SLC20A2: variants seen among roughly 807,000 people sequenced by gnomAD.
SLC20A2 encodes the protein sodium-dependent phosphate transporter 2.
In SLC20A2, 30 loss-of-function variants were observed where a neutral mutation model predicts 61.0. The ratio of observed to expected loss-of-function variants is 0.49; its 90% CI spans 0.37 to 0.67. The LOEUF (loss-of-function observed/expected upper bound fraction) is 0.67, where lower values mean the gene tolerates loss of function less well. Ranked by LOEUF, SLC20A2 falls within the 30% of genes least tolerant of loss-of-function variation. SLC20A2 has a pLI of 0.00. For synonymous variants in SLC20A2, 351 were observed against 353.3 expected (o/e 0.99, Z 0.07); for missense variants, 626 against 866.4 (o/e 0.72, Z 3.48).
chr8:42,485,384 G>C (rs1808894400), intron 1 of SLC20A2, among the ~76,000 whole-genome samples: 2 of 152,108 alleles, frequency 1.3e-5, no homozygotes, highest in South Asian at 4.1e-4. Flanking sequence ...GCTCACGCCT[G>C]TAATTCAAGC....
chr8:42,439,008 C>A (rs1428097871), intron 7 of SLC20A2, among the ~76,000 whole-genome samples: 3 of 152,208 alleles, frequency 2.0e-5, no homozygotes, highest in Non-Finnish European at 1.5e-5. Flanking sequence ...TGAGCCACTG[C>A]ACCTGGTCAG....
chr8:42,489,270 C>T (rs1453039075), intron 1 of SLC20A2, among the ~76,000 whole-genome samples: 1 of 151,944 alleles, frequency 6.6e-6, no homozygotes, highest in African/African-American at 2.4e-5. Flanking sequence ...ATTTCTATCT[C>T]TTCATGAATA....
rs1175946541 is a variant in SLC20A2 at position 42,488,070 on chromosome 8, T to C, written c.-265+12961A>G. ...GCAGCATGTATGAGGATTTCCTTCC[T>C]TTTTGAGACCAAGTAATATTTCCTT... On this transcript the variant is annotated intron_variant, in intron 1 of 10. Transcript: ENST00000520262. 2.0e-5 allele frequency among the ~76,000 whole-genome samples: 3 copies of C among 152,312 alleles called. No homozygotes were observed. The East Asian group carries it at 5.8e-4, about 29-fold the overall frequency.
At chr8:42,447,493 C>A (rs780055172) in intron 5 of SLC20A2, among the ~76,000 whole-genome samples, 10 of 152,018 alleles carry the variant, frequency 6.6e-5, no homozygotes, top group Admixed American at 4.6e-4. Flanking sequence ...CTGGCTAACA[C>A]GGTGAAACCC....
At chr8:42,512,657 ACT>A (rs982181166) in intron 1 of SLC20A2, among the ~76,000 whole-genome samples, 3 of 151,678 alleles carry the variant, frequency 2.0e-5, no homozygotes, top group Non-Finnish European at 4.4e-5. Context: ...AGCCCAAAAA[ACT>A]CTTTTTCAAT....
intron 1 of SLC20A2, among the ~76,000 whole-genome samples, chr8:42,474,995 C>G (rs965238100): frequency 6.6e-6 from 1 of 151,968 alleles, no homozygotes; most frequent in African/African-American, 2.4e-5. Flanking sequence ...GAGGCAGGCC[C>G]GGGTGAGGGG....
intron 5 of SLC20A2, among the ~76,000 whole-genome samples, chr8:42,455,257 T>TAGAGAGAGAGAGAGAG (rs71548583): frequency 3.7e-5 from 3 of 81,622 alleles, no homozygotes; most frequent in Admixed American, 1.9e-4. Context: ...TATATATATA[T>TAGAGAGAGAGAGAGAG]AGAGAGAGAG....
chr8:42,428,183 A>G (rs1803556577), intron 10 of SLC20A2, among the ~76,000 whole-genome samples: 1 of 152,180 alleles, frequency 6.6e-6, no homozygotes, highest in African/African-American at 2.4e-5. Context: ...TGCAGCTCCA[A>G]CTTTCCACAC....
chr8:42,528,694 GT>G (rs1390901020), intron 1 of SLC20A2, among the ~76,000 whole-genome samples: 1 of 151,728 alleles, frequency 6.6e-6, no homozygotes, highest in Non-Finnish European at 1.5e-5. Context: ...TTGAGATGGA[GT>G]TTCGCTCATT....
At chr8:42,419,720 C>T (rs1446024215) in intron 10 of SLC20A2, 3 of 963,268 alleles carry the variant, frequency 3.1e-6, no homozygotes, top group Non-Finnish European at 3.7e-6. Flanking sequence ...AATGTAGTGT[C>T]ATCCATAATC....
intron 1 of SLC20A2, among the ~76,000 whole-genome samples, chr8:42,540,121 G>A (rs1338584096): frequency 2.6e-5 from 4 of 152,026 alleles, no homozygotes; most frequent in Admixed American, 1.3e-4. Context: ...GTGAAACTCC[G>A]TCTCTACTAA....
At chr8:42,474,157 C>G (rs528334643) in intron 1 of SLC20A2, among the ~76,000 whole-genome samples, 70 of 151,858 alleles carry the variant, frequency 4.6e-4, no homozygotes, top group Non-Finnish European at 8.2e-4. Context: ...GGCGACACAG[C>G]GAGACTCCAT....
intron 1 of SLC20A2, chr8:42,538,361 G>C (rs2131461830): frequency 6.6e-6 from 1 of 151,744 alleles, no homozygotes; most frequent in East Asian, 1.9e-4. Flanking sequence ...TATATTTTGG[G>C]TGAGGAAACA....
At chr8:42,487,176 C>CTTTT (rs553949254) in intron 1 of SLC20A2, among the ~76,000 whole-genome samples, 15 of 98,042 alleles carry the variant, frequency 1.5e-4, no homozygotes, top group Non-Finnish European at 3.0e-4. Flanking sequence ...TGGTTTCTTT[C>CTTTT]TTTTTTTTTT....
chr8:42,463,165 G>T (rs1702676936), intron 3 of SLC20A2, 75 bp from the exon 4 acceptor site: 4 of 833,980 alleles, frequency 4.8e-6, no homozygotes, highest in Non-Finnish European at 7.7e-6. Context: ...AGAACACAAT[G>T]ATAAACAAAA....
At chr8:42,497,719 T>A (rs188846814) in intron 1 of SLC20A2, among the ~76,000 whole-genome samples, 4 of 152,086 alleles carry the variant, frequency 2.6e-5, no homozygotes, top group Admixed American at 2.6e-4. Flanking sequence ...AATTGGTTTT[T>A]TTTTTTTTTT....
intron 1 of SLC20A2, among the ~76,000 whole-genome samples, chr8:42,530,989 G>A (rs532489924): frequency 6.6e-6 from 1 of 152,230 alleles, no homozygotes; most frequent in Admixed American, 6.5e-5. Context: ...CAAAGTGCTG[G>A]GATTACAGGG....
intron 1 of SLC20A2, among the ~76,000 whole-genome samples, chr8:42,478,686 A>G (rs1808345929): frequency 6.6e-6 from 1 of 152,184 alleles, no homozygotes; most frequent in African/African-American, 2.4e-5. Flanking sequence ...AAAACTCACG[A>G]AACTGTTCAC....
chr8:42,528,957 G>A (rs1430976291), intron 1 of SLC20A2, among the ~76,000 whole-genome samples: 5 of 135,966 alleles, frequency 3.7e-5, no homozygotes, highest in South Asian at 2.5e-4. Context: ...ATGAGCCACC[G>A]AGCCCGGCCT....
Sources: gnomAD v4.1 joint callset for allele counts (sites outside exome capture counted in the v4.1 genomes callset) on GRCh38, gnomAD v4.1.1 for gene constraint, MANE v1.5 for transcripts, NCBI Gene and HGNC (gene_info 2026-07-23, HGNC 2026-07-21) for gene names.